The following MYPN variants were observed in gnomAD, a reference collection of about 807,000 sequenced individuals.
MYPN encodes the protein sarcomeric protein myopalladin, 145 kDa (MYOP).
A neutral mutation model predicts 129.4 loss-of-function variants in MYPN; 63 were observed. The observed-to-expected ratio is 0.49, with a 90% CI of 0.40 to 0.60. The LOEUF (loss-of-function observed/expected upper bound fraction) is 0.60. MYPN is among the 20% of genes least tolerant of loss of function. MYPN has a pLI of 0.00. For synonymous variants in MYPN, 629 were observed against 600.9 expected, an observed-to-expected ratio of 1.05 and a Z score of -0.68; for missense variants, 1,596 against 1,635.4, an observed-to-expected ratio of 0.98 and a Z score of 0.42.
At chr10:68,178,432 C>A (rs12251172) in intron 12 of MYPN, among the ~76,000 whole-genome samples, 1,980 of 152,132 alleles carry the variant, frequency 0.013, 50 homozygotes, top group African/African-American at 0.046. Flanking sequence ...TCCAGGATCA[C>A]GGCCGGGCAT....
chr10:68,108,115 T>C (rs2042034800), upstream of MYPN, among the ~76,000 whole-genome samples: 2 of 152,200 alleles, frequency 1.3e-5, no homozygotes, highest in African/African-American at 4.8e-5. Context: ...ATCTGTACAT[T>C]GAAGCTCTGG....
chr10:68,090,441 A>G (rs1045079810), intron 1 of MYPN, among the ~76,000 whole-genome samples: 4 of 152,214 alleles, frequency 2.6e-5, no homozygotes, highest in African/African-American at 7.2e-5. Context: ...CTAGGATTAC[A>G]GGCGTGAGCC....
intron 10 of MYPN, among the ~76,000 whole-genome samples, chr10:68,167,089 C>T (rs1026909997): frequency 6.6e-6 from 1 of 152,074 alleles, no homozygotes; most frequent in African/African-American, 2.4e-5. Context: ...AGAAAATACA[C>T]ATTAAATGTT....
chr10:68,108,274 G>T (rs1426317152), upstream of MYPN, among the ~76,000 whole-genome samples: 3 of 152,000 alleles, frequency 2.0e-5, no homozygotes, highest in African/African-American at 7.3e-5. Context: ...ACATAAAAAA[G>T]GTGTAATTAA....
chr10:68,201,972 C>T lies in MYPN; in HGVS notation c.3637C>T (p.Pro1213Ser), dbSNP rs2043722881. The T allele has an allele frequency of 1.2e-6, 2 of 1,613,924 alleles. No homozygotes were observed. Among genetic ancestry groups the T allele is most frequent in the African/African-American group, 1.3e-5 (1 of 74,884 alleles). ...FYWKKDNETI[P>S]CTRERISMHQ... ...CTGGAAGAAAGACAATGAGACCATC[C>T]CTTGCACCAGAGAGAGGATCAGGTA... The change falls in exon 18 of 20, where the codon CCT becomes TCT. Residue 1213 changes from proline (P) to serine (S), a missense_variant. Coordinates refer to ENST00000358913, the MANE Select transcript of MYPN (RefSeq NM_032578.4).
At position 68,194,485 on chromosome 10, in the gene MYPN, C is replaced by T. The variant is rs772903258; in HGVS notation, c.3048C>T (p.Asn1016=). Residue 1016 remains asparagine (N), a synonymous_variant, in exon 14 of 20, where the codon AAC becomes AAT. Transcript: ENST00000358913. ...IESTTSDDDG[N]YTIMAANPQG... ...CCACTACCAGTGATGACGATGGCAA[C>T]TACACCATCATGGCAGCCAACCCCC... 4.3e-6 allele frequency: 7 copies of T among 1,613,872 alleles called. No individual in the cohort carries two copies. Among genetic ancestry groups the T allele is most frequent in the Non-Finnish European group, 5.9e-6 (7 of 1,179,866 alleles).
At chr10:68,135,025 C>T (rs927175474) in intron 2 of MYPN, among the ~76,000 whole-genome samples, 1 of 152,022 alleles carries the variant, frequency 6.6e-6, no homozygotes, top group Non-Finnish European at 1.5e-5. Context: ...GATCTTGGCT[C>T]ACTGCAACCT....
At chr10:68,155,361 G>A (rs1022260239) in intron 6 of MYPN, among the ~76,000 whole-genome samples, 15 of 152,252 alleles carry the variant, frequency 9.9e-5, no homozygotes, top group African/African-American at 3.1e-4. Context: ...ATGTTGTCAA[G>A]TCACCCTACA....
chr10:68,097,115 A>G (rs1490354357), intron 1 of MYPN, among the ~76,000 whole-genome samples: 1 of 152,212 alleles, frequency 6.6e-6, no homozygotes, highest in Non-Finnish European at 1.5e-5. Context: ...TCAGAAGCAT[A>G]TGGTTCAGGA....
intron 12 of MYPN, among the ~76,000 whole-genome samples, chr10:68,185,267 A>AAAAG (rs573960938): frequency 6.6e-6 from 1 of 151,910 alleles, no homozygotes; most frequent in Non-Finnish European, 1.5e-5. Flanking sequence ...AAAAGAGAAA[A>AAAAG]AAAGAAAGAA....
chr10:68,172,088 G>T (rs900727859), intron 10 of MYPN, among the ~76,000 whole-genome samples: 1 of 152,144 alleles, frequency 6.6e-6, no homozygotes, highest in African/African-American at 2.4e-5. Context: ...CCAGCAAGGC[G>T]CTTGCCTGTA....
At position 68,199,593 on chromosome 10, in the gene MYPN, G is replaced by A; in HGVS notation, c.3493+18G>A. ...TGTAGTAGGTAAGGTTTGCTGCTGGGACCCCTAAACACAACTTCCTCCAAA... is the reference window on the plus strand; with the variant it reads ...TGTAGTAGGTAAGGTTTGCTGCTGGAACCCCTAAACACAACTTCCTCCAAA... On this transcript the variant is annotated intron_variant, in intron 17 of 19. Transcript: ENST00000358913. The A allele has an allele frequency of 2.2e-6, 1 of 462,422 alleles. No homozygotes were observed. The highest frequency in any genetic ancestry group is 3.3e-6 in the Non-Finnish European group (1 of 301,656). The allele number at this position is 462,422 out of a possible 1,614,324, so 28.6% of individuals were successfully genotyped here.
chr10:68,202,034 G>A, intron 18 of MYPN, 40 bp downstream of exon 18: 1 of 1,612,184 alleles, frequency 6.2e-7, no homozygotes, highest in Non-Finnish European at 8.5e-7. Flanking sequence ...CCCACTCTCA[G>A]TGGGGCTTGT....
upstream of MYPN, among the ~76,000 whole-genome samples, chr10:68,103,641 G>A (rs1430345340): frequency 6.6e-6 from 1 of 152,124 alleles, no homozygotes; most frequent in African/African-American, 2.4e-5. Context: ...AAAAGAGAGT[G>A]AGTTCTAAAC....
chr10:68,163,909 A>G (rs1026149258), intron 8 of MYPN, among the ~76,000 whole-genome samples: 5 of 152,170 alleles, frequency 3.3e-5, no homozygotes, highest in African/African-American at 1.2e-4. Context: ...ACTGACTGGA[A>G]TTGTGTGTCT....
At chr10:68,158,399 G>T (rs949806379) in intron 6 of MYPN, 87 bp from the exon 7 acceptor site, 2 of 1,278,444 alleles carry the variant, frequency 1.6e-6, no homozygotes, top group East Asian at 2.4e-5. Context: ...ATATGGAGAC[G>T]GCATCTTTTT....
intron 6 of MYPN, among the ~76,000 whole-genome samples, chr10:68,152,589 T>C (rs1160920346): frequency 6.6e-6 from 1 of 152,188 alleles, no homozygotes; most frequent in African/African-American, 2.4e-5. Flanking sequence ...TAAAAAGTTG[T>C]TATTATTTTG....
At chr10:68,131,114 T>G (rs7073984) in intron 2 of MYPN, among the ~76,000 whole-genome samples, 18 of 151,920 alleles carry the variant, frequency 1.2e-4, no homozygotes, top group Non-Finnish European at 2.4e-4. Context: ...CTAGGCCGGG[T>G]GTGGGGGCTC....
At chr10:68,139,735 A>G (rs1265946696) in intron 2 of MYPN, among the ~76,000 whole-genome samples, 1 of 152,224 alleles carries the variant, frequency 6.6e-6, no homozygotes, top group African/African-American at 2.4e-5. Context: ...TGAAGCAAAT[A>G]ACAAATACTT....
Sources: allele counts gnomAD v4.1 joint callset (sites outside exome capture counted in the v4.1 genomes callset), GRCh38; gene constraint gnomAD v4.1.1; transcripts MANE v1.5; gene names NCBI Gene and HGNC (gene_info 2026-07-23, HGNC 2026-07-21).